Variants in WDR54 observed in about 807,000 individuals in gnomAD.
WDR54 encodes the protein WD repeat domain 54, also known as WD repeat-containing protein 54.
In WDR54, 44 loss-of-function variants were observed where a neutral mutation model predicts 44.1. The observed-to-expected ratio is 1.00, with a 90% CI of 0.78 to 1.28. WDR54 has a LOEUF of 1.28. WDR54 is among the 50% of genes most tolerant of loss of function. The probability of loss-of-function intolerance (pLI) is 0.00; values close to 1 mark genes in which losing one functional copy is unlikely to be tolerated. For missense variants in WDR54, 409 were observed against 429.7 expected, an observed-to-expected ratio of 0.95 and a Z score of 0.43; for synonymous variants, 169 against 169.8, an observed-to-expected ratio of 1.00 and a Z score of 0.04.
At chr2:74,423,618 G>A in intron 5 of WDR54, 87 bp downstream of exon 5, 2 of 1,555,492 alleles carry the variant, frequency 1.3e-6, no homozygotes, top group Non-Finnish European at 1.8e-6. Flanking sequence ...GGAAATTGTG[G>A]AAAGTTAGAG....
chr2:74,422,794 CAAAA>C lies in WDR54; in HGVS notation c.223-63_223-60del, dbSNP rs1164877169. 1.4e-4 allele frequency: 150 copies of C among 1,050,266 alleles called. No homozygotes were observed. In the East Asian group the frequency reaches 2.3e-3, roughly 16 times the overall value. The allele number at this position is 1,050,266 out of a possible 1,614,324, so 65.1% of individuals were successfully genotyped here. The stretch of plus-strand genomic sequence containing the variant: ...GGCCACAGAGCAAGACTCCGTCCCC[CAAAA>C]AAAAAAAAAAAACAAACAAACTCAT... On this transcript the variant is annotated intron_variant, in intron 2 of 9. Transcript: ENST00000348227.
intron 7 of WDR54, 32 bp downstream of exon 7, chr2:74,425,007 T>A: frequency 6.2e-7 from 1 of 1,612,980 alleles, no homozygotes; most frequent in Non-Finnish European, 8.5e-7. Context: ...GAGGGCTTCC[T>A]GAGATAGCTT....
Position 74,423,400 on chromosome 2 carries a change from A to T in WDR54, c.352+15A>T. 6.2e-7 allele frequency: 1 copy of T among 1,614,178 alleles called. No homozygotes were observed. Among genetic ancestry groups the T allele is most frequent in the Non-Finnish European group, 8.5e-7 (1 of 1,180,026 alleles). ...TGCCTCCCCAGGTACCTGCAGGACC[A>T]AGTGGGGTGGGGGCAGGGAGTGTTT... is the stretch of plus-strand genomic sequence containing the variant. On this transcript the variant is annotated intron_variant, in intron 4 of 9. Coordinates refer to ENST00000348227, the MANE Select transcript of WDR54 (RefSeq NM_032118.4).
chr2:74,422,012 C>T (rs539606962), intron 1 of WDR54, 141 bp from the exon 2 acceptor site: 127 of 827,864 alleles, frequency 1.5e-4, no homozygotes, highest in Non-Finnish European at 2.1e-4. Flanking sequence ...TCGAGACCCT[C>T]CCCCATCACC....
intron 6 of WDR54, 110 bp from the exon 7 acceptor site, chr2:74,424,765 C>G: frequency 7.1e-7 from 1 of 1,405,164 alleles, no homozygotes; most frequent in Non-Finnish European, 1.0e-6. Context: ...ACACCTTGCC[C>G]TTTCCCTGGA....
chr2:74,423,426 G>C (rs941374086), intron 4 of WDR54, 41 bp downstream of exon 4: 2 of 1,614,138 alleles, frequency 1.2e-6, no homozygotes, highest in Admixed American at 1.7e-5. Context: ...GGGAGTGTTT[G>C]CTAGGGCTGC....
chr2:74,422,481 G>A, intron 2 of WDR54, 106 bp downstream of exon 2: 5 of 1,309,604 alleles, frequency 3.8e-6, no homozygotes, highest in Non-Finnish European at 5.2e-6. Flanking sequence ...AATCTCCCCA[G>A]GCATGTCCTA....
intron 6 of WDR54, among the ~76,000 whole-genome samples, chr2:74,424,443 A>G (rs1670263745): frequency 6.6e-6 from 1 of 152,058 alleles, no homozygotes; most frequent in Non-Finnish European, 1.5e-5. Context: ...CAGGGTGTAT[A>G]TTTTCTTATT....
chr2:74,424,736 T>C (rs1670283253), intron 6 of WDR54, 139 bp from the exon 7 acceptor site: 2 of 1,018,850 alleles, frequency 2.0e-6, no homozygotes, highest in African/African-American at 1.6e-5. Flanking sequence ...TTCTGATGGG[T>C]CTAGCTAGTG....
chr2:74,422,838 T>C, intron 2 of WDR54, 32 bp from the exon 3 acceptor site: 1 of 1,591,178 alleles, frequency 6.3e-7, no homozygotes, highest in African/African-American at 1.4e-5. Flanking sequence ...CCTGCTTTGA[T>C]TTTCTCCCTA....
chr2:74,422,383 A>G lies in WDR54; in HGVS notation c.222+8A>G. The G allele has an allele frequency of 6.2e-7, 1 of 1,609,466 alleles. No individual in the cohort carries two copies. The highest frequency in any genetic ancestry group is 8.5e-7 in the Non-Finnish European group (1 of 1,176,766). On this transcript the variant is annotated splice_region_variant and intron_variant, in intron 2 of 9. Transcript: ENST00000348227. ...CCCCCACTTATCACTCAGGTGAGGC[A>G]TGGAGCTGGGAGTGATGTTGCTGAA...
chr2:74,421,959 C>T, intron 1 of WDR54, 143 bp downstream of exon 1: 2 of 626,034 alleles, frequency 3.2e-6, no homozygotes, highest in Non-Finnish European at 2.9e-6. Flanking sequence ...CTGCGATTCC[C>T]CCGTCGCCCC....
Position 74,424,994 on chromosome 2 carries a change from G to A in WDR54, c.635+19G>A, listed in dbSNP as rs199717785. ...GATTTGGGTAGGTGAGGCAGAAAGG[G>A]TAGAGGGCTTCCTGAGATAGCTTCA... On this transcript the variant is annotated intron_variant, in intron 7 of 9. Transcript: ENST00000348227. The A allele has an allele frequency of 2.0e-4, 324 of 1,614,220 alleles. No homozygotes were observed. The highest frequency in any genetic ancestry group is 9.3e-4 in the Admixed American group (56 of 60,032).
At chr2:74,424,786 T>TGC in intron 6 of WDR54, 89 bp from the exon 7 acceptor site, 1 of 1,527,438 alleles carries the variant, frequency 6.5e-7, no homozygotes. Context: ...GAGGCAAAGA[T>TGC]GCACACACTG....
intron 6 of WDR54, 39 bp downstream of exon 6, chr2:74,424,021 A>G: frequency 1.1e-5 from 17 of 1,611,594 alleles, no homozygotes; most frequent in Non-Finnish European, 1.4e-5. Flanking sequence ...AGCCTTCCCC[A>G]CCCTGGGAGG....
chr2:74,423,627 A>G (rs759372693), intron 5 of WDR54, 96 bp downstream of exon 5: 51 of 1,538,798 alleles, frequency 3.3e-5, no homozygotes, highest in Middle Eastern at 3.7e-4. Context: ...GGAAAGTTAG[A>G]GGGAAGGGTG....
Position 74,423,385 on chromosome 2 carries a change from G to C in WDR54, c.352G>C (p.Val118Leu). Reference sequence around the variant, plus strand: ...ACTGGACTCTGGAGATGCCTCCCCAGGTACCTGCAGGACCAAGTGGGGTGG... The same window carrying C: ...ACTGGACTCTGGAGATGCCTCCCCACGTACCTGCAGGACCAAGTGGGGTGG... ...HALDSGDASP[V>L]QAVFARGIAA... The change falls in exon 4 of 10, where the codon GTA becomes CTA. Residue 118 changes from valine (V) to leucine (L), a missense_variant and splice_region_variant. Physicochemically the swap from Val to Leu is conservative, Grantham distance 32. Transcript: ENST00000348227. The C allele has an allele frequency of 6.2e-7, 1 of 1,614,170 alleles. No individual in the cohort carries two copies. Among genetic ancestry groups the C allele is most frequent in the Non-Finnish European group, 8.5e-7 (1 of 1,180,030 alleles).
At position 74,422,418 on chromosome 2, in the gene WDR54, AC is replaced by A; in HGVS notation, c.222+48del. 3 of 1,567,830 alleles carry A rather than the reference AC, an allele frequency of 1.9e-6. No individual in the cohort carries two copies. In the East Asian group the frequency reaches 7.0e-5, roughly 36 times the overall value. On this transcript the variant is annotated intron_variant, in intron 2 of 9. Coordinates refer to ENST00000348227, the MANE Select transcript of WDR54 (RefSeq NM_032118.4). ...GAGTGATGTTGCTGAACCCAGTCCT[AC>A]CCCCAGCCTTTTCTCTCCAAACCTT...
Position 74,425,555 on chromosome 2 carries a change from C to A in WDR54, c.874-15C>A. On this transcript the variant is annotated splice_polypyrimidine_tract_variant and intron_variant, in intron 9 of 9. Coordinates refer to ENST00000348227, the MANE Select transcript of WDR54 (RefSeq NM_032118.4). ...CATGGGGCAGCAGGCCCTGACGAGC[C>A]CTCTGCTCCCCCAGGTGGAACACTG... The A allele has an allele frequency of 3.1e-6, 5 of 1,614,206 alleles. No homozygotes were observed. The South Asian group carries it at 5.5e-5, about 18-fold the overall frequency.
Sources: allele counts gnomAD v4.1 joint callset (sites outside exome capture counted in the v4.1 genomes callset), GRCh38; gene constraint gnomAD v4.1.1; transcripts MANE v1.5; gene names NCBI Gene and HGNC (gene_info 2026-07-23, HGNC 2026-07-21).